The following MARCHF3 variants were observed in gnomAD, a reference collection of about 807,000 sequenced individuals.
MARCHF3 encodes the protein membrane associated ring-CH-type finger 3.
Under a neutral mutation model 24.2 loss-of-function variants are expected in MARCHF3, and 13 were observed. The ratio of observed to expected loss-of-function variants is 0.54; its 90% CI spans 0.35 to 0.85. The LOEUF (loss-of-function observed/expected upper bound fraction) is 0.85. MARCHF3 is among the 40% of genes least tolerant of loss of function. The probability of loss-of-function intolerance (pLI) is 0.01; values close to 1 mark genes in which losing one functional copy is unlikely to be tolerated. For synonymous variants in MARCHF3, 144 were observed against 137.3 expected (o/e 1.05, Z -0.34); for missense variants, 276 against 325.0 (o/e 0.85, Z 1.16).
chr5:126,906,459 C>T (rs370721298), intron 3 of MARCHF3, among the ~76,000 whole-genome samples: 10 of 152,064 alleles, frequency 6.6e-5, no homozygotes, highest in Non-Finnish European at 1.0e-4. Context: ...GACTCTTTTT[C>T]GTTGGTAAGC....
At chr5:127,023,013 G>T (rs1007366230) in intron 1 of MARCHF3, among the ~76,000 whole-genome samples, 1 of 152,082 alleles carries the variant, frequency 6.6e-6, no homozygotes, top group Non-Finnish European at 1.5e-5. Context: ...CTGATCCTTG[G>T]TCTGTACACA....
chr5:126,879,003 G>T (rs1372979169), intron 3 of MARCHF3, among the ~76,000 whole-genome samples: 1 of 152,118 alleles, frequency 6.6e-6, no homozygotes, highest in Non-Finnish European at 1.5e-5. Context: ...TTTTTGCCCT[G>T]GGAGCCTGGA....
At chr5:126,915,798 C>G (rs559690176) in intron 2 of MARCHF3, among the ~76,000 whole-genome samples, 43 of 152,306 alleles carry the variant, frequency 2.8e-4, no homozygotes, top group South Asian at 6.2e-4. Context: ...TTTGGAAAAA[C>G]CACTCCTACA....
At chr5:127,005,803 TTATGTACATACATGTAGATATGTACA>T (rs1554072589) in intron 1 of MARCHF3, among the ~76,000 whole-genome samples, 1 of 151,832 alleles carries the variant, frequency 6.6e-6, no homozygotes, top group Non-Finnish European at 1.5e-5. Flanking sequence ...TAACATACAT[TTATGTACATACATGTAGATATGTACA>T]TATGTACTAT....
At chr5:127,010,619 C>T (rs537607800) in intron 1 of MARCHF3, among the ~76,000 whole-genome samples, 1 of 152,326 alleles carries the variant, frequency 6.6e-6, no homozygotes, top group South Asian at 2.1e-4. Flanking sequence ...TTTCCCAACA[C>T]ACTATCCCTG....
chr5:126,922,783 T>C (rs1749163347), intron 1 of MARCHF3, among the ~76,000 whole-genome samples: 1 of 152,162 alleles, frequency 6.6e-6, no homozygotes. Flanking sequence ...CCTGATCTCG[T>C]GATCCGCCCA....
chr5:126,992,974 G>C (rs937480347), intron 1 of MARCHF3, among the ~76,000 whole-genome samples: 1 of 151,972 alleles, frequency 6.6e-6, no homozygotes, highest in Non-Finnish European at 1.5e-5. Context: ...GGGTTTCCCC[G>C]TGTTAGCCAG....
chr5:127,003,913 C>T (rs1290801247), intron 1 of MARCHF3, among the ~76,000 whole-genome samples: 1 of 152,122 alleles, frequency 6.6e-6, no homozygotes, highest in Non-Finnish European at 1.5e-5. Context: ...CTTGACAGAA[C>T]AATGAAGGGT....
chr5:126,986,586 A>G (rs1194758514), intron 1 of MARCHF3, among the ~76,000 whole-genome samples: 1 of 152,256 alleles, frequency 6.6e-6, no homozygotes, highest in Admixed American at 6.5e-5. Flanking sequence ...AGTAAATAAC[A>G]TGAATATATA....
chr5:126,973,412 T>C (rs1751083511), intron 1 of MARCHF3, among the ~76,000 whole-genome samples: 1 of 152,302 alleles, frequency 6.6e-6, no homozygotes, highest in South Asian at 2.1e-4. Flanking sequence ...ATTCCACCTC[T>C]CTGGGGTTCC....
In MARCHF3 at chr5:127,027,164, G is replaced by C; in HGVS notation, c.-57+3186C>G. On this transcript the variant is annotated intron_variant, in intron 1 of 4. Coordinates refer to ENST00000308660, the MANE Select transcript of MARCHF3 (RefSeq NM_178450.5). ...TCACAGTGCTCTCAGTGAAAGGGGA[G>C]GTAGCAAACAATTCTCAACCCACAT... Among the ~76,000 whole-genome samples, 2 of 152,248 alleles carry C rather than the reference G, an allele frequency of 1.3e-5. 1 individual carries two copies. The highest frequency in any genetic ancestry group is 6.8e-3 in the Middle Eastern group (2 of 294).
At chr5:127,008,529 T>C (rs954423271) in intron 1 of MARCHF3, among the ~76,000 whole-genome samples, 2 of 152,240 alleles carry the variant, frequency 1.3e-5, no homozygotes, top group African/African-American at 4.8e-5. Context: ...TTTGGAAGCC[T>C]TAACAGCTGC....
At chr5:126,908,392 C>T (rs1754381353) in intron 3 of MARCHF3, among the ~76,000 whole-genome samples, 1 of 152,148 alleles carries the variant, frequency 6.6e-6, no homozygotes, top group African/African-American at 2.4e-5. Flanking sequence ...GGGAGGTTCT[C>T]CTGGATAATA....
intron 1 of MARCHF3, among the ~76,000 whole-genome samples, chr5:127,004,394 A>G (rs10491285): frequency 0.25 from 37,983 of 152,102 alleles, 5,658 homozygotes; most frequent in Non-Finnish European, 0.34. Context: ...ACTCCGTATC[A>G]CCTTCAGGAA....
At chr5:126,987,510 C>G (rs996029846) in intron 1 of MARCHF3, among the ~76,000 whole-genome samples, 2 of 152,170 alleles carry the variant, frequency 1.3e-5, no homozygotes, top group Non-Finnish European at 2.9e-5. Context: ...GACTTCCCAG[C>G]CCCCACGACT....
At chr5:126,994,071 C>T (rs1477990352) in intron 1 of MARCHF3, among the ~76,000 whole-genome samples, 2 of 152,128 alleles carry the variant, frequency 1.3e-5, no homozygotes, top group Non-Finnish European at 2.9e-5. Flanking sequence ...TATACGCATG[C>T]TTATAGTGAC....
chr5:126,916,420 A>G (rs1232032841), intron 2 of MARCHF3, among the ~76,000 whole-genome samples: 1 of 152,126 alleles, frequency 6.6e-6, no homozygotes, highest in Non-Finnish European at 1.5e-5. Flanking sequence ...GGAAATAGCC[A>G]TGGAAGACTG....
Position 127,028,161 on chromosome 5 carries a change from C to T in MARCHF3, c.-57+2189G>A, listed in dbSNP as rs1580507265. Among the ~76,000 whole-genome samples, 7 of 152,216 alleles carry T rather than the reference C, an allele frequency of 4.6e-5. No individual in the cohort carries two copies. In the South Asian group the frequency reaches 1.2e-3, roughly 27 times the overall value. ...CCCTTAAAAACCATTCAGTTTATTC[C>T]GCCCATATATAATGAACACCATTAT... On this transcript the variant is annotated intron_variant, in intron 1 of 4. Coordinates refer to ENST00000308660, the MANE Select transcript of MARCHF3 (RefSeq NM_178450.5).
At chr5:126,934,959 C>T (rs1206450782) in intron 1 of MARCHF3, among the ~76,000 whole-genome samples, 1 of 152,140 alleles carries the variant, frequency 6.6e-6, no homozygotes, top group Non-Finnish European at 1.5e-5. Context: ...CATTTTCCCA[C>T]TGGGAATAAA....
Sources: gnomAD v4.1 joint callset for allele counts (sites outside exome capture counted in the v4.1 genomes callset) on GRCh38, gnomAD v4.1.1 for gene constraint, MANE v1.5 for transcripts, NCBI Gene and HGNC (gene_info 2026-07-23, HGNC 2026-07-21) for gene names.